The following ADAR variants were observed in gnomAD, a reference collection of about 807,000 sequenced individuals.
ADAR encodes double-stranded RNA-specific adenosine deaminase.
Under a neutral mutation model 113.2 loss-of-function variants are expected in ADAR, and 41 were observed. The observed-to-expected ratio is 0.36, with a 90% CI of 0.28 to 0.47. The LOEUF is 0.47. Among genes scored for constraint, ADAR ranks in the 20% least tolerant of loss-of-function variants. The probability of loss-of-function intolerance (pLI) is 1.00; values close to 1 mark genes in which losing one functional copy is unlikely to be tolerated. For missense variants in ADAR, 1,242 were observed against 1,540.9 expected, an observed-to-expected ratio of 0.81 and a Z score of 3.25; for synonymous variants, 605 against 572.6, an observed-to-expected ratio of 1.06 and a Z score of -0.81.
intron 12 of ADAR, 131 bp from the exon 13 acceptor site, chr1:154,585,996 G>C: frequency 8.5e-7 from 1 of 1,170,724 alleles, no homozygotes; most frequent in Non-Finnish European, 1.2e-6. Flanking sequence ...TTGTTAGGAA[G>C]CACCTTCTGA....
Position 154,601,792 on chromosome 1 carries a change from T to C in ADAR, c.850A>G (p.Thr284Ala). 1 of 1,614,256 alleles carries C rather than the reference T, an allele frequency of 6.2e-7. No individual in the cohort carries two copies. Among genetic ancestry groups the C allele is most frequent in the East Asian group, 2.2e-5 (1 of 44,896 alleles). ...TCAAGAGGATCTTCCAAGGCAGATG[T>C]GGAGTTGCTGTCTTCAGGTTCCAAA... ...PGLEPEDSNS[T>A]SALEDPLEFL... The change falls in exon 2 of 15, where the codon ACA (threonine) becomes GCA (alanine). Residue 284 changes from threonine (T) to alanine (A), a missense_variant. Thr to Ala is a moderately conservative substitution (Grantham distance 58). Coordinates refer to ENST00000368474, the MANE Select transcript of ADAR (RefSeq NM_001111.5). This position sits in a 1 kb window ranked among gnomAD's most constrained non-coding sequence, Gnocchi z 4.7.
chr1:154,616,905 CT>C (rs1698649744), intron 1 of ADAR, among the ~76,000 whole-genome samples: 1 of 152,242 alleles, frequency 6.6e-6, no homozygotes, highest in African/African-American at 2.4e-5. Context: ...CCACTGCCCT[CT>C]CCAGCACTTC....
At chr1:154,586,952 T>TA (rs960714945) in intron 11 of ADAR, among the ~76,000 whole-genome samples, 23 of 149,774 alleles carry the variant, frequency 1.5e-4, no homozygotes, top group South Asian at 1.5e-3. Context: ...CTATCGGGTT[T>TA]AAAAAAAAAC....
chr1:154,608,852 G>C (rs1027805263), upstream of ADAR: 1 of 151,310 alleles, frequency 6.6e-6, no homozygotes, highest in African/African-American at 2.4e-5. Context: ...GGATGGGCGG[G>C]AGCGCAGATC....
chr1:154,589,503 A>C, intron 8 of ADAR, 41 bp from the exon 9 acceptor site: 1 of 1,540,768 alleles, frequency 6.5e-7, no homozygotes, highest in Non-Finnish European at 9.0e-7. Context: ...AATGGAAGGA[A>C]ACCGATGGAA....
At chr1:154,603,689 GT>G (rs1698023676) in intron 1 of ADAR, among the ~76,000 whole-genome samples, 1 of 152,140 alleles carries the variant, frequency 6.6e-6, no homozygotes, top group South Asian at 2.1e-4. Flanking sequence ...TCACTGGAGG[GT>G]GATGGAGCCA....
rs767131037 is a variant in ADAR at position 154,602,542 on chromosome 1, A to T, written c.100T>A (p.Ser34Thr). The change falls in exon 2 of 15, where the codon TCT (serine) becomes ACT (threonine). Residue 34 changes from serine to threonine, a missense_variant. Ser to Thr is a moderately conservative substitution (Grantham distance 58). Transcript: ENST00000368474. Reference sequence around the variant, plus strand: ...TTAAGCAGGAAACTACTGGGGGAAGATCCTGGCCCAGGCTGCTGGTACCTG... The same window carrying T: ...TTAAGCAGGAAACTACTGGGGGAAGTTCCTGGCCCAGGCTGCTGGTACCTG... ...QLRYQQPGPG[S>T]SPSSFLLKQI... is the part of the protein sequence containing the mutation. The T allele has an allele frequency of 1.2e-6, 2 of 1,614,216 alleles. No individual in the cohort carries two copies. Among genetic ancestry groups the T allele is most frequent in the Non-Finnish European group, 1.7e-6 (2 of 1,180,026 alleles).
At chr1:154,619,006 GGGCAGA>G (rs1055790107) in intron 1 of ADAR, among the ~76,000 whole-genome samples, 4 of 152,106 alleles carry the variant, frequency 2.6e-5, no homozygotes, top group Admixed American at 6.5e-5. Context: ...GCTACTAGTG[GGGCAGA>G]GGCAGGAGGA....
Position 154,588,143 on chromosome 1 carries a change from G to A in ADAR, c.3001C>T (p.Arg1001Cys), listed in dbSNP as rs1696885868. ...CACTCACCGTTCTCCACCTTGGTGC[G>A]GAGCTTTCCTTGTTTGGGATTCTCG... is the stretch of plus-strand genomic sequence containing the variant. ...VFENPKQGKL[R>C]TKVENGEGTI... Residue 1001 changes from arginine (R) to cysteine (C), a missense_variant, in exon 11 of 15, where the codon CGC becomes TGC. Around this residue, in one of 2 missense-constraint regions of ADAR, gnomAD observed 780 missense variants for 1,057.9 expected, o/e 0.74. Transcript: ENST00000368474. 2.5e-6 allele frequency: 4 copies of A among 1,613,894 alleles called. No homozygotes were observed. Among genetic ancestry groups the A allele is most frequent in the East Asian group, 2.2e-5 (1 of 44,884 alleles).
chr1:154,608,016 G>A lies in ADAR; in HGVS notation c.-10C>T. On this transcript the variant is annotated 5_prime_UTR_variant, in exon 1 of 15. Transcript: ENST00000368474. ...CCTGCCGCGGATTCATTGCGCCCGC[G>A]AGGCATTGCCCGGCCCGACCCGCCG... The A allele has an allele frequency of 6.3e-7, 1 of 1,595,114 alleles. No individual in the cohort carries two copies. The highest frequency in any genetic ancestry group is 8.5e-7 in the Non-Finnish European group (1 of 1,170,672).
chr1:154,615,856 G>T (rs573780515), intron 1 of ADAR, among the ~76,000 whole-genome samples: 3 of 152,260 alleles, frequency 2.0e-5, no homozygotes, highest in Non-Finnish European at 2.9e-5. Context: ...AATCATCTGT[G>T]AAAGAAATAA....
chr1:154,602,639 AC>A lies in ADAR; in HGVS notation c.16-14del. 6.2e-7 allele frequency: 1 copy of A among 1,613,236 alleles called. No homozygotes were observed. The highest frequency in any genetic ancestry group is 2.2e-5 in the East Asian group (1 of 44,890). ...TGAGGGAATACCCCTGCAGAATAAG[AC>A]AGTGGAAAAAGAAAATGAATTAGGG... On this transcript the variant is annotated splice_polypyrimidine_tract_variant and intron_variant, in intron 1 of 14. Coordinates refer to ENST00000368474, the MANE Select transcript of ADAR (RefSeq NM_001111.5).
At chr1:154,586,464 A>G in intron 11 of ADAR, 101 bp from the exon 12 acceptor site, 1 of 1,215,044 alleles carries the variant, frequency 8.2e-7, no homozygotes, top group Non-Finnish European at 1.2e-6. Flanking sequence ...GGCTACATTC[A>G]TTCATTCTTC....
chr1:154,609,643 T>C (rs1698415555), upstream of ADAR, among the ~76,000 whole-genome samples: 1 of 152,122 alleles, frequency 6.6e-6, no homozygotes, highest in African/African-American at 2.4e-5. Context: ...CAGGTGCTGT[T>C]TGTGGTTTCC....
intron 5 of ADAR, 44 bp downstream of exon 5, chr1:154,597,079 T>C (rs943203118): frequency 1.2e-6 from 2 of 1,614,134 alleles, no homozygotes. Flanking sequence ...AACCACTCAG[T>C]TGCTAAAAAT....
At chr1:154,608,218 C>G (rs943868188), upstream of ADAR, 1 of 582,014 alleles carries the variant, frequency 1.7e-6, no homozygotes, top group Non-Finnish European at 2.8e-6. Flanking sequence ...GAAAGCCTTC[C>G]CCTCCGGAAA....
Position 154,590,394 on chromosome 1 carries a change from T to C in ADAR, c.2286A>G (p.Ala762=). Residue 762 remains alanine, a synonymous_variant, in exon 7 of 15, where the codon GCA becomes GCG. Coordinates refer to ENST00000368474, the MANE Select transcript of ADAR (RefSeq NM_001111.5). The part of the protein sequence containing the change: ...PPHEPKFVYQ[A]KVGGRWFPAV... ...CTGGGAACCAGCGACCCCCAACTTT[T>C]GCTTGGTAAACGAACCTTTGGGATG... is the stretch of plus-strand genomic sequence containing the variant. 6.2e-7 allele frequency: 1 copy of C among 1,614,070 alleles called. No homozygotes were observed. The highest frequency in any genetic ancestry group is 8.5e-7 in the Non-Finnish European group (1 of 1,179,992).
chr1:154,608,026 C>G lies in ADAR; in HGVS notation c.-20G>C. ...ATTCATTGCGCCCGCGAGGCATTGC[C>G]CGGCCCGACCCGCCGGCGGCACGAC... On this transcript the variant is annotated 5_prime_UTR_variant, in exon 1 of 15. Coordinates refer to ENST00000368474, the MANE Select transcript of ADAR (RefSeq NM_001111.5). 6.4e-7 allele frequency: 1 copy of G among 1,573,696 alleles called. No individual in the cohort carries two copies. Among genetic ancestry groups the G allele is most frequent in the South Asian group, 1.1e-5 (1 of 86,960 alleles).
rs1696508912 is a variant in ADAR at position 154,583,014 on chromosome 1, C to A, written c.*1792G>T. 1 of 152,204 alleles carries A rather than the reference C, an allele frequency of 6.6e-6. No individual in the cohort carries two copies. The highest frequency in any genetic ancestry group is 6.5e-5 in the Admixed American group (1 of 15,288). 9.4% of individuals were successfully genotyped at this position (152,204 alleles called of 1,614,324 possible). ...AATTTTTGGTCAAAAGTACAGAGAG[C>A]ATAGAATAAAAGCAAAGATGTGAAT... is the stretch of plus-strand genomic sequence containing the variant. On this transcript the variant is annotated 3_prime_UTR_variant, in exon 15 of 15. Transcript: ENST00000368474.
Sources: allele counts gnomAD v4.1 joint callset (sites outside exome capture counted in the v4.1 genomes callset), GRCh38; gene constraint gnomAD v4.1.1; regional missense constraint gnomAD v4.1.1; non-coding constraint Gnocchi (gnomAD v3.1); transcripts MANE v1.5; gene names NCBI Gene and HGNC (gene_info 2026-07-23, HGNC 2026-07-21).